Variants in GAS7 observed in about 807,000 individuals in gnomAD.
GAS7 encodes the protein growth arrest-specific protein 7.
In GAS7, 28 loss-of-function variants were observed where a neutral mutation model predicts 71.1. The ratio of observed to expected loss-of-function variants is 0.39; its 90% CI spans 0.29 to 0.54. The LOEUF (loss-of-function observed/expected upper bound fraction) is 0.54. Ranked by LOEUF, GAS7 falls within the 20% of genes least tolerant of loss-of-function variation. The pLI is 0.62. For synonymous variants in GAS7, 258 were observed against 245.8 expected (o/e 1.05, Z -0.46); for missense variants, 436 against 627.8 (o/e 0.69, Z 3.27).
chr17:9,942,871 A>G (rs1424411438), intron 7 of GAS7, among the ~76,000 whole-genome samples: 2 of 148,188 alleles, frequency 1.3e-5, no homozygotes, highest in African/African-American at 2.6e-5. Flanking sequence ...TGTGCTAAAT[A>G]TCCAGATTTT....
At position 10,025,583 on chromosome 17, in the gene GAS7, T is replaced by TA. The variant is rs1192125530; in HGVS notation, c.184-5687dup. ...TAATGGTGGCTACTGATTCCTCCTT[T>TA]AAAAAAAAAAAAAAGCAGGCAAGCA... On this transcript the variant is annotated intron_variant, in intron 1 of 13. Transcript: ENST00000432992. 1.7e-3 allele frequency among the ~76,000 whole-genome samples: 238 copies of TA among 139,296 alleles called. No homozygotes were observed. In the Middle Eastern group the frequency reaches 0.022, roughly 13 times the overall value. The allele number at this position is 139,296 out of a possible 152,430, so 91.4% of individuals were successfully genotyped here.
Position 10,066,339 on chromosome 17 carries a change from CCTAG to C in GAS7, c.184-46446_184-46443del, listed in dbSNP as rs1282862709. ...GGAATTACAGGCATGCGTCACCACGCCTAGCTAATTTTGTATTTTTAGGAGAGAT... is the reference window on the plus strand; with the variant it reads ...GGAATTACAGGCATGCGTCACCACGCCTAATTTTGTATTTTTAGGAGAGAT... On this transcript the variant is annotated intron_variant, in intron 1 of 13. Coordinates refer to ENST00000432992, the MANE Select transcript of GAS7 (RefSeq NM_201433.2). Among the ~76,000 whole-genome samples, 3 of 152,270 alleles carry C rather than the reference CCTAG, an allele frequency of 2.0e-5. No homozygotes were observed. The East Asian group carries it at 5.8e-4, about 29-fold the overall frequency.
chr17:10,028,087 T>A (rs1387259888), intron 1 of GAS7, among the ~76,000 whole-genome samples: 2 of 152,218 alleles, frequency 1.3e-5, no homozygotes, highest in Non-Finnish European at 2.9e-5. Flanking sequence ...TGCTTTTTAG[T>A]AGAGACGGGG....
chr17:10,106,692 A>G (rs1195757822), intron 1 of GAS7, among the ~76,000 whole-genome samples: 1 of 152,140 alleles, frequency 6.6e-6, no homozygotes, highest in Non-Finnish European at 1.5e-5. Flanking sequence ...ACTCCTGGGG[A>G]GTGACCGACT....
intron 1 of GAS7, among the ~76,000 whole-genome samples, chr17:10,158,016 ATTTTT>A (rs1333920598): frequency 6.6e-6 from 1 of 152,034 alleles, no homozygotes; most frequent in East Asian, 1.9e-4. Flanking sequence ...ATTTTATTTT[ATTTTT>A]ATTTTTTGAG....
In GAS7 at chr17:10,149,739, G is replaced by A. The variant is rs142237895; in HGVS notation, c.183+48469C>T. On this transcript the variant is annotated intron_variant, in intron 1 of 13. Transcript: ENST00000432992. Reference sequence around the variant, plus strand: ...GGACAGGTAAAACGTGGCATATCGGGATAATGGAATATTATTCAGCCATGA... The same window carrying A: ...GGACAGGTAAAACGTGGCATATCGGAATAATGGAATATTATTCAGCCATGA... Among the ~76,000 whole-genome samples, 275 of 152,262 alleles carry A rather than the reference G, an allele frequency of 1.8e-3. 1 individual carries two copies. The highest frequency in any genetic ancestry group is 6.3e-3 in the African/African-American group (262 of 41,562).
chr17:10,170,178 T>A (rs2074325619), intron 1 of GAS7, among the ~76,000 whole-genome samples: 1 of 151,400 alleles, frequency 6.6e-6, no homozygotes, highest in Non-Finnish European at 1.5e-5. Context: ...CCATCATTCA[T>A]TCCCAAGAGA....
At chr17:10,163,370 C>T (rs1192586897) in intron 1 of GAS7, among the ~76,000 whole-genome samples, 1 of 151,710 alleles carries the variant, frequency 6.6e-6, no homozygotes, top group Admixed American at 6.6e-5. Context: ...CAGTGATCCG[C>T]TTGCCTCGGC....
At chr17:10,023,652 C>T (rs774889922) in intron 1 of GAS7, among the ~76,000 whole-genome samples, 3 of 152,212 alleles carry the variant, frequency 2.0e-5, no homozygotes, top group Admixed American at 6.5e-5. Flanking sequence ...GCCATAGAGA[C>T]AGAAACAGAT....
intron 5 of GAS7, among the ~76,000 whole-genome samples, chr17:9,954,679 G>A (rs145343249): frequency 1.3e-5 from 2 of 152,256 alleles, no homozygotes; most frequent in East Asian, 1.9e-4. Flanking sequence ...GTGTGGGGTC[G>A]AGGGTGGATG....
chr17:9,988,910 G>A (rs1028035621), intron 2 of GAS7, among the ~76,000 whole-genome samples: 1 of 149,642 alleles, frequency 6.7e-6, no homozygotes, highest in Non-Finnish European at 1.5e-5. Flanking sequence ...GTACAGTGGC[G>A]CGATATCAGC....
chr17:10,188,646 A>G (rs1219034260), intron 1 of GAS7, among the ~76,000 whole-genome samples: 1 of 151,846 alleles, frequency 6.6e-6, no homozygotes, highest in Admixed American at 6.6e-5. Flanking sequence ...GTGTGTGTTC[A>G]TTTGTTTTAA....
chr17:10,137,959 AG>A (rs1243854852), intron 1 of GAS7, among the ~76,000 whole-genome samples: 2 of 151,292 alleles, frequency 1.3e-5, no homozygotes, highest in African/African-American at 4.9e-5. Context: ...ACTTTTTTCA[AG>A]GTTTTTTTTT....
chr17:9,939,886 G>T (rs1035895518), intron 8 of GAS7, among the ~76,000 whole-genome samples: 1 of 152,186 alleles, frequency 6.6e-6, no homozygotes, highest in South Asian at 2.1e-4. Flanking sequence ...GGGATAATGG[G>T]TGTGAGCCAC....
chr17:10,049,047 AGC>A (rs2073023903), intron 1 of GAS7, among the ~76,000 whole-genome samples: 2 of 152,200 alleles, frequency 1.3e-5, no homozygotes, highest in Non-Finnish European at 2.9e-5. Context: ...ATGTGTGAGG[AGC>A]ACGCATAACT....
At chr17:10,090,291 C>T (rs950600361) in intron 1 of GAS7, among the ~76,000 whole-genome samples, 4 of 152,102 alleles carry the variant, frequency 2.6e-5, no homozygotes, top group East Asian at 1.9e-4. Context: ...TTATTCCTTT[C>T]GCTTAAAATA....
intron 1 of GAS7, among the ~76,000 whole-genome samples, chr17:10,089,347 C>G (rs140994456): frequency 1.1e-3 from 166 of 152,118 alleles, no homozygotes; most frequent in African/African-American, 4.0e-3. Flanking sequence ...AATGCAAGCC[C>G]GCAAATCTGG....
intron 9 of GAS7, among the ~76,000 whole-genome samples, chr17:9,927,290 T>TACATACACAC (rs1555589671): frequency 1.1e-4 from 13 of 116,890 alleles, no homozygotes; most frequent in African/African-American, 3.7e-4. Context: ...CTCTACTACA[T>TACATACACAC]ACACACACAC....
chr17:10,198,525 G>A lies in GAS7; in HGVS notation c.-135C>T, dbSNP rs115476071. The A allele has an allele frequency of 0.032, 16,134 of 500,222 alleles. 804 individuals carry two copies. The highest frequency in any genetic ancestry group is 0.17 in the African/African-American group (8,123 of 49,132). 31.0% of individuals were successfully genotyped at this position (500,222 alleles called of 1,614,324 possible). A position where few individuals can be genotyped will look rare whatever the true frequency, so the allele number is the denominator to read the frequency against. On this transcript the variant is annotated 5_prime_UTR_variant, in exon 1 of 14. Transcript: ENST00000432992. ...TGGGCGCGCGCCGTCTCTGGGGTGC[G>A]CGGGGGTCCTCAGGCAGGCGGGGGA...
Sources: gnomAD v4.1 joint callset for allele counts (sites outside exome capture counted in the v4.1 genomes callset) on GRCh38, gnomAD v4.1.1 for gene constraint, MANE v1.5 for transcripts, NCBI Gene and HGNC (gene_info 2026-07-23, HGNC 2026-07-21) for gene names.